The following WDFY1 variants were observed in gnomAD, a reference collection of about 807,000 sequenced individuals.
The protein encoded by WDFY1 is WD repeat and FYVE domain containing 1.
WDFY1 carries 32 observed loss-of-function variants against 56.4 expected under a neutral mutation model. The ratio of observed to expected loss-of-function variants is 0.57; its 90% CI spans 0.43 to 0.76. The LOEUF is 0.76. Among genes scored for constraint, WDFY1 ranks in the 30% least tolerant of loss-of-function variants. The pLI is 0.00. For missense variants in WDFY1, 480 were observed against 545.7 expected, an observed-to-expected ratio of 0.88 and a Z score of 1.20; for synonymous variants, 192 against 197.3, an observed-to-expected ratio of 0.97 and a Z score of 0.23.
intron 1 of WDFY1, among the ~76,000 whole-genome samples, chr2:223,924,779 T>G (rs1365619647): frequency 6.6e-6 from 1 of 152,224 alleles, no homozygotes; most frequent in Non-Finnish European, 1.5e-5. Context: ...ATTAAAATGT[T>G]TTTAAAATGT....
chr2:223,912,276 C>A lies in WDFY1; in HGVS notation c.256G>T (p.Gly86Cys). The A allele has an allele frequency of 6.2e-7, 1 of 1,610,412 alleles. No individual in the cohort carries two copies. The highest frequency in any genetic ancestry group is 8.5e-7 in the Non-Finnish European group (1 of 1,178,914). ...ACCATTACAGCTCCATTATCCTGGCCCACAAATATCCGTCTGCTGTCATGA... is the reference window on the plus strand; with the variant it reads ...ACCATTACAGCTCCATTATCCTGGCACACAAATATCCGTCTGCTGTCATGA... ...YHHDSRRIFV[G>C]QDNGAVMEFH... The change falls in exon 3 of 12, where the codon GGC (glycine) becomes TGC (cysteine). Residue 86 changes from glycine to cysteine, a missense_variant. Physicochemically the swap from Gly to Cys is radical, Grantham distance 159. Transcript: ENST00000233055.
chr2:223,895,556 T>A lies in WDFY1; in HGVS notation c.673A>T (p.Met225Leu). Residue 225 changes from methionine to leucine, a missense_variant, in exon 7 of 12, where the codon ATG becomes TTG. Coordinates refer to ENST00000233055, the MANE Select transcript of WDFY1 (RefSeq NM_020830.5). The part of the protein sequence containing the change: ...FSGASDNSII[M>L]WDIGGRKGRT... ...CCTTTCCTTCCTCCGATGTCCCACA[T>A]GATGATGCTGTTGTCAGATGCTCCT... The A allele has an allele frequency of 6.2e-7, 1 of 1,614,008 alleles. No homozygotes were observed. Among genetic ancestry groups the A allele is most frequent in the Admixed American group, 1.7e-5 (1 of 59,998 alleles).
chr2:223,913,419 T>C (rs1160374649), intron 2 of WDFY1, among the ~76,000 whole-genome samples: 1 of 152,112 alleles, frequency 6.6e-6, no homozygotes, highest in Non-Finnish European at 1.5e-5. Context: ...AAGAACTATG[T>C]AGTTGGCTCT....
intron 6 of WDFY1, 24 bp downstream of exon 6, chr2:223,898,934 C>G: frequency 6.2e-7 from 1 of 1,602,232 alleles, no homozygotes; most frequent in South Asian, 1.1e-5. Flanking sequence ...GCAAAAAAAA[C>G]TCTTGGGTGA....
intron 1 of WDFY1, among the ~76,000 whole-genome samples, chr2:223,923,797 T>C (rs1248600117): frequency 2.0e-5 from 3 of 152,190 alleles, no homozygotes; most frequent in Admixed American, 6.5e-5. Context: ...GTCTAATCAC[T>C]GAAGTGTCAA....
chr2:223,906,041 T>A, intron 3 of WDFY1, 40 bp from the exon 4 acceptor site: 1 of 1,456,302 alleles, frequency 6.9e-7, no homozygotes, highest in Non-Finnish European at 9.2e-7. Flanking sequence ...AAAAGAGTTA[T>A]GGTTTTAAAA....
intron 4 of WDFY1, among the ~76,000 whole-genome samples, chr2:223,903,496 G>C (rs186608507): frequency 6.7e-6 from 1 of 149,190 alleles, no homozygotes; most frequent in African/African-American, 2.5e-5. Flanking sequence ...GCACTCCAGT[G>C]TGGGCAACAG....
chr2:223,892,344 T>C (rs1264365803), intron 8 of WDFY1, among the ~76,000 whole-genome samples: 1 of 152,196 alleles, frequency 6.6e-6, no homozygotes, highest in African/African-American at 2.4e-5. Context: ...CCAAATAATT[T>C]TTAGAAAATT....
intron 8 of WDFY1, among the ~76,000 whole-genome samples, chr2:223,891,382 C>CAAAAAA (rs61587389): frequency 1.7e-5 from 1 of 60,112 alleles, no homozygotes; most frequent in South Asian, 9.2e-4. Context: ...GACTCCGTCT[C>CAAAAAA]AAAAAAAAAA....
chr2:223,935,760 T>C (rs1045048587), intron 1 of WDFY1, among the ~76,000 whole-genome samples: 7 of 152,196 alleles, frequency 4.6e-5, no homozygotes, highest in Non-Finnish European at 8.8e-5. Context: ...ATCAGTAATA[T>C]ACTAGGAGTG....
intron 2 of WDFY1, among the ~76,000 whole-genome samples, chr2:223,914,483 T>C (rs953920537): frequency 4.7e-4 from 71 of 152,376 alleles, no homozygotes; most frequent in African/African-American, 1.6e-3. Context: ...AACTTATGAT[T>C]GCTCACATGC....
In WDFY1 at chr2:223,918,028, G is replaced by GA; in HGVS notation, c.138-19dup. 1 of 1,607,280 alleles carries GA rather than the reference G, an allele frequency of 6.2e-7. No homozygotes were observed. Among genetic ancestry groups the GA allele is most frequent in the Non-Finnish European group, 8.5e-7 (1 of 1,178,154 alleles). On this transcript the variant is annotated intron_variant, in intron 1 of 11. Transcript: ENST00000233055. Reference sequence around the variant, plus strand: ...GGATGGTTCTGTGGAGAAAAGAAAAGAAAAAATAGAGTAGGTTTTAGTAAT... The same window carrying GA: ...GGATGGTTCTGTGGAGAAAAGAAAAGAAAAAAATAGAGTAGGTTTTAGTAAT...
At chr2:223,888,992 C>T (rs567515582) in intron 8 of WDFY1, among the ~76,000 whole-genome samples, 69 of 150,048 alleles carry the variant, frequency 4.6e-4, no homozygotes, top group African/African-American at 1.7e-3. Flanking sequence ...CAACCTCCGC[C>T]TCCTGGGTTC....
intron 1 of WDFY1, among the ~76,000 whole-genome samples, chr2:223,924,073 A>G (rs916562243): frequency 2.6e-5 from 4 of 152,234 alleles, no homozygotes; most frequent in African/African-American, 9.6e-5. Context: ...AAACGTGTTC[A>G]TTCTTTTCCA....
chr2:223,907,966 C>A (rs899221576), intron 3 of WDFY1, among the ~76,000 whole-genome samples: 2 of 151,960 alleles, frequency 1.3e-5, no homozygotes, highest in Non-Finnish European at 2.9e-5. Flanking sequence ...CTCAAGTGAT[C>A]CTCCCACCTC....
At chr2:223,943,035 G>A (rs1689339520) in intron 1 of WDFY1, among the ~76,000 whole-genome samples, 3 of 151,326 alleles carry the variant, frequency 2.0e-5, no homozygotes, top group Admixed American at 2.0e-4. Context: ...AGAAAAATTA[G>A]CTGGGCGTGG....
intron 8 of WDFY1, among the ~76,000 whole-genome samples, chr2:223,885,271 AGCTT>A (rs1693154090): frequency 6.6e-6 from 1 of 152,042 alleles, no homozygotes; most frequent in African/African-American, 2.4e-5. Context: ...GCTCACTGCA[AGCTT>A]GATCTCTCAG....
chr2:223,896,178 A>AAAAAAAAAAAAAAAAAAAAC (rs1559165610), intron 6 of WDFY1, among the ~76,000 whole-genome samples: 3 of 148,018 alleles, frequency 2.0e-5, no homozygotes, highest in African/African-American at 7.6e-5. Context: ...AAAAAAAAAA[A>AAAAAAAAAAAAAAAAAAAAC]AAAAACTGCT....
chr2:223,900,614 T>G (rs1693490778), intron 5 of WDFY1, among the ~76,000 whole-genome samples: 1 of 152,072 alleles, frequency 6.6e-6, no homozygotes, highest in Non-Finnish European at 1.5e-5. Flanking sequence ...GAGAGTATTA[T>G]AAGGATTATG....
Sources: allele counts gnomAD v4.1 joint callset (sites outside exome capture counted in the v4.1 genomes callset), GRCh38; gene constraint gnomAD v4.1.1; transcripts MANE v1.5; gene names NCBI Gene and HGNC (gene_info 2026-07-23, HGNC 2026-07-21).